The following TMX3 variants were observed in gnomAD, a reference collection of about 807,000 sequenced individuals.
TMX3 encodes the protein thioredoxin related transmembrane protein 3.
Under a neutral mutation model 64.4 loss-of-function variants are expected in TMX3, and 40 were observed. The ratio of observed to expected loss-of-function variants is 0.62; its 90% confidence interval spans 0.48 to 0.81. The LOEUF (loss-of-function observed/expected upper bound fraction) is 0.81. Ranked by LOEUF, TMX3 falls within the 30% of genes least tolerant of loss-of-function variation. TMX3 has a pLI of 0.00. For missense variants in TMX3, 497 were observed against 534.5 expected, an observed-to-expected ratio of 0.93 and a Z score of 0.69; for synonymous variants, 189 against 175.7, an observed-to-expected ratio of 1.08 and a Z score of -0.60.
At position 68,673,744 on chromosome 18, in the gene TMX3, A is replaced by G. The variant is rs1158958792; in HGVS notation, c.*3189T>C. 6.6e-6 allele frequency: 1 copy of G among 152,212 alleles called. No homozygotes were observed. Among genetic ancestry groups the G allele is most frequent in the Non-Finnish European group, 1.5e-5 (1 of 68,038 alleles). The allele number at this position is 152,212 out of a possible 1,614,324, so 9.4% of individuals were successfully genotyped here. On this transcript the variant is annotated 3_prime_UTR_variant, in exon 16 of 16. Coordinates refer to ENST00000299608, the MANE Select transcript of TMX3 (RefSeq NM_019022.5). Reference sequence around the variant, plus strand: ...AACAAAGGTTTACAATTTGTGCCATAGGCAGAATATCATGAATTCAACAAG... The same window carrying G: ...AACAAAGGTTTACAATTTGTGCCATGGGCAGAATATCATGAATTCAACAAG...
intron 4 of TMX3, among the ~76,000 whole-genome samples, chr18:68,702,367 T>C (rs1323526000): frequency 2.0e-5 from 3 of 152,098 alleles, no homozygotes; most frequent in Non-Finnish European, 4.4e-5. Context: ...AGAGTAATTT[T>C]AATTATCTCA....
In TMX3 at chr18:68,681,118, T is replaced by C; in HGVS notation, c.906-8A>G. On this transcript the variant is annotated splice_region_variant and splice_polypyrimidine_tract_variant and intron_variant, in intron 13 of 15. Coordinates refer to ENST00000299608, the MANE Select transcript of TMX3 (RefSeq NM_019022.5). The stretch of plus-strand genomic sequence containing the variant: ...GTTGGGACTGTCAATTCACTGAAAA[T>C]ATAAAAACAAATCAAAATATACATT... The C allele has an allele frequency of 7.8e-6, 12 of 1,546,708 alleles. No homozygotes were observed. The highest frequency in any genetic ancestry group is 1.0e-5 in the Non-Finnish European group (12 of 1,149,052).
chr18:68,677,772 A>G (rs889459840), intron 15 of TMX3, among the ~76,000 whole-genome samples: 3 of 152,150 alleles, frequency 2.0e-5, no homozygotes, highest in African/African-American at 7.2e-5. Flanking sequence ...ATGAATTGCA[A>G]CGATAACTCT....
rs375042338 is a variant in TMX3, at chr18:68,686,993, CTT to C, written c.736+672_736+673del. On this transcript the variant is annotated intron_variant, in intron 10 of 15. Transcript: ENST00000299608. ...TTACTTACATTAAAAAAAAATAAGT[CTT>C]GAATAAAATGTTCTCATTGTTTTAC... The C allele has an allele frequency of 1.8e-4, 178 of 983,138 alleles. No individual in the cohort carries two copies. The African/African-American group carries it at 3.0e-3, about 16-fold the overall frequency. 60.9% of individuals were successfully genotyped at this position (983,138 alleles called of 1,614,324 possible).
At chr18:68,705,855 A>C (rs1428556838) in intron 4 of TMX3, among the ~76,000 whole-genome samples, 1 of 152,242 alleles carries the variant, frequency 6.6e-6, no homozygotes, top group African/African-American at 2.4e-5. Flanking sequence ...AATTCTGTAC[A>C]CACAGATTTG....
chr18:68,697,286 A>T lies in TMX3; in HGVS notation c.510T>A (p.Ala170=). Residue 170 remains alanine, a synonymous_variant, in exon 8 of 16, where the codon GCT becomes GCA. Transcript: ENST00000299608. ...ESPLKEKYID[A]ASELIVYTYF... ...ATGTATATACAATCAATTCTGAAGC[A>T]GCATCTATGTATTTCTCCTATGAAG... The T allele has an allele frequency of 2.5e-6, 4 of 1,577,462 alleles. No individual in the cohort carries two copies. Among genetic ancestry groups the T allele is most frequent in the Non-Finnish European group, 2.6e-6 (3 of 1,159,860 alleles).
chr18:68,714,236 T>C (rs949630661), intron 1 of TMX3: 2 of 167,818 alleles, frequency 1.2e-5, no homozygotes, highest in African/African-American at 4.7e-5. Flanking sequence ...CATTCTTCTT[T>C]ATTTCTTTTG....
At chr18:68,693,469 C>T (rs1207593631) in intron 8 of TMX3, among the ~76,000 whole-genome samples, 1 of 151,988 alleles carries the variant, frequency 6.6e-6, no homozygotes, top group Non-Finnish European at 1.5e-5. Context: ...AATGCCTGCT[C>T]CTGCTCCCTG....
intron 4 of TMX3, among the ~76,000 whole-genome samples, chr18:68,704,456 C>T (rs974977325): frequency 7.2e-5 from 11 of 151,960 alleles, no homozygotes; most frequent in African/African-American, 2.4e-4. Flanking sequence ...CAGGAAGATT[C>T]GGTAACTCTT....
At chr18:68,706,815 C>G (rs1195921540) in intron 4 of TMX3, among the ~76,000 whole-genome samples, 1 of 152,152 alleles carries the variant, frequency 6.6e-6, no homozygotes. Flanking sequence ...CTGAAATTCA[C>G]AAGGCAAAAA....
rs770591474 is a variant in TMX3 at position 68,676,908 on chromosome 18, A to C, written c.*25T>G. The stretch of plus-strand genomic sequence containing the variant: ...GACTCTTTAATAATTTGAAGTCCTA[A>C]CAAATATTTTATAGTCATCAAGTCT... On this transcript the variant is annotated 3_prime_UTR_variant, in exon 16 of 16. Coordinates refer to ENST00000299608, the MANE Select transcript of TMX3 (RefSeq NM_019022.5). 2 of 1,593,710 alleles carry C rather than the reference A, an allele frequency of 1.3e-6. No homozygotes were observed. The highest frequency in any genetic ancestry group is 2.7e-5 in the African/African-American group (2 of 73,626).
At chr18:68,693,745 G>C (rs896169855) in intron 8 of TMX3, among the ~76,000 whole-genome samples, 1 of 152,044 alleles carries the variant, frequency 6.6e-6, no homozygotes. Flanking sequence ...GAAGGGGTGG[G>C]TCCCCAGTAA....
chr18:68,675,617 T>C lies in TMX3; in HGVS notation c.*1316A>G, dbSNP rs144939224. Reference sequence around the variant, plus strand: ...AATAAATGTTCAATAAAATTCTTTATAGTGGAAAATTACTCAATGAATAAC... The same window carrying C: ...AATAAATGTTCAATAAAATTCTTTACAGTGGAAAATTACTCAATGAATAAC... On this transcript the variant is annotated 3_prime_UTR_variant, in exon 16 of 16. Coordinates refer to ENST00000299608, the MANE Select transcript of TMX3 (RefSeq NM_019022.5). 6.9e-4 allele frequency: 105 copies of C among 152,308 alleles called. No homozygotes were observed. The highest frequency in any genetic ancestry group is 2.4e-3 in the African/African-American group (101 of 41,576). The allele number at this position is 152,308 out of a possible 1,614,324, so 9.4% of individuals were successfully genotyped here.
intron 8 of TMX3, chr18:68,697,019 A>C (rs894056015): frequency 7.4e-6 from 3 of 405,884 alleles, no homozygotes; most frequent in Middle Eastern, 7.0e-4. Flanking sequence ...AAATGCTACG[A>C]ATCTGATGGT....
chr18:68,715,021 A>C lies in TMX3; in HGVS notation c.-40T>G. 1.3e-6 allele frequency: 2 copies of C among 1,555,100 alleles called. No individual in the cohort carries two copies. Among genetic ancestry groups the C allele is most frequent in the Non-Finnish European group, 1.7e-6 (2 of 1,149,658 alleles). Reference sequence around the variant, plus strand: ...GCTGCAGAAGCTGACTGTGCAAAAGAGGGATAAAGACACTGGGGTCCGCCG... The same window carrying C: ...GCTGCAGAAGCTGACTGTGCAAAAGCGGGATAAAGACACTGGGGTCCGCCG... On this transcript the variant is annotated 5_prime_UTR_variant, in exon 1 of 16. Transcript: ENST00000299608.
intron 6 of TMX3, among the ~76,000 whole-genome samples, chr18:68,698,300 T>G (rs1269617975): frequency 6.6e-6 from 1 of 152,196 alleles, no homozygotes; most frequent in Non-Finnish European, 1.5e-5. Flanking sequence ...AGTACCATCA[T>G]TACTAGTATT....
chr18:68,705,407 C>A (rs17079593), intron 4 of TMX3, among the ~76,000 whole-genome samples: 3,990 of 152,126 alleles, frequency 0.026, 179 homozygotes, highest in African/African-American at 0.088. Flanking sequence ...CAGTCACTGA[C>A]CAAAAAGAGT....
At chr18:68,684,818 T>C (rs1184522174) in intron 10 of TMX3, among the ~76,000 whole-genome samples, 1 of 152,024 alleles carries the variant, frequency 6.6e-6, no homozygotes, top group African/African-American at 2.4e-5. Context: ...ACAAATTGGC[T>C]AAGATAACTA....
rs1322151414 is a variant in TMX3, at chr18:68,677,593, G to A, written c.1105-400C>T. Among the ~76,000 whole-genome samples, 4 of 151,958 alleles carry A rather than the reference G, an allele frequency of 2.6e-5. 1 individual carries two copies. The highest frequency in any genetic ancestry group is 4.4e-5 in the Non-Finnish European group (3 of 67,994). On this transcript the variant is annotated intron_variant, in intron 15 of 15. Coordinates refer to ENST00000299608, the MANE Select transcript of TMX3 (RefSeq NM_019022.5). ...AGGCTGGGTTATTTACCACAAAGAA[G>A]GTACACACATACTCTTTTCACATGA... is the stretch of plus-strand genomic sequence containing the variant.
Sources: gnomAD v4.1 joint callset for allele counts (sites outside exome capture counted in the v4.1 genomes callset) on GRCh38, gnomAD v4.1.1 for gene constraint, MANE v1.5 for transcripts, NCBI Gene and HGNC (gene_info 2026-07-23, HGNC 2026-07-21) for gene names.